ZNF407: variants seen among roughly 807,000 people sequenced by gnomAD.
ZNF407 encodes the protein zinc finger protein 407.
A neutral mutation model predicts 131.2 loss-of-function variants in ZNF407; 17 were observed. The observed-to-expected ratio is 0.13, with a 90% CI of 0.09 to 0.19. ZNF407 has a LOEUF of 0.19. Among genes scored for constraint, ZNF407 ranks in the 10% least tolerant of loss-of-function variants. The pLI is 1.00. For missense variants in ZNF407, 2,681 were observed against 2,830.6 expected (o/e 0.95, Z 1.20); for synonymous variants, 1,156 against 1,062.0 (o/e 1.09, Z -1.72).
At chr18:74,923,264 T>C (rs1340540242) in intron 8 of ZNF407, among the ~76,000 whole-genome samples, 1 of 151,936 alleles carries the variant, frequency 6.6e-6, no homozygotes, top group Non-Finnish European at 1.5e-5. Flanking sequence ...TTTGTAAACG[T>C]AATATTCCAT....
intron 8 of ZNF407, among the ~76,000 whole-genome samples, chr18:74,988,068 G>C (rs4891213): frequency 0.21 from 31,194 of 152,108 alleles, 3,656 homozygotes; most frequent in Middle Eastern, 0.3. Context: ...ATACAATAAT[G>C]AAGACATATG....
intron 3 of ZNF407, among the ~76,000 whole-genome samples, chr18:74,661,348 A>G (rs1046740930): frequency 6.7e-6 from 1 of 150,104 alleles, no homozygotes; most frequent in Non-Finnish European, 1.5e-5. Flanking sequence ...TGACTTTAAG[A>G]AGAAAGGCCA....
chr18:74,827,701 C>T (rs1200234767), intron 4 of ZNF407, among the ~76,000 whole-genome samples: 2 of 152,162 alleles, frequency 1.3e-5, no homozygotes, highest in Admixed American at 6.5e-5. Context: ...ACATCAGATG[C>T]TAAGAAATCC....
chr18:74,755,773 C>CTTTCTTTCTTTCTTTCTT lies in ZNF407; in HGVS notation c.4803-25654_4803-25653insTTCTTTCTTTCTTTCTTT, dbSNP rs769763395. On this transcript the variant is annotated intron_variant, in intron 3 of 8. Transcript: ENST00000299687. ...TCTTTCTTTCTTTCTTTCTTTCTTT[C>CTTTCTTTCTTTCTTTCTT]TCTCTCTCTCTTTCCTTCCTTCTTT... Among the ~76,000 whole-genome samples, 1,008 of 113,198 alleles carry CTTTCTTTCTTTCTTTCTT rather than the reference C, an allele frequency of 8.9e-3. 7 individuals are homozygous for CTTTCTTTCTTTCTTTCTT. The highest frequency in any genetic ancestry group is 0.018 in the African/African-American group (418 of 23,088). 74.3% of individuals were successfully genotyped at this position (113,198 alleles called of 152,430 possible). A position where few individuals can be genotyped will look rare whatever the true frequency, so the allele number is the denominator to read the frequency against.
At chr18:74,601,337 G>C (rs1264796316) in intron 1 of ZNF407, among the ~76,000 whole-genome samples, 3 of 146,970 alleles carry the variant, frequency 2.0e-5, no homozygotes, top group African/African-American at 5.3e-5. Context: ...GTCTGTGTGT[G>C]TGTGTGTGTG....
chr18:74,676,600 G>C (rs550872460), intron 3 of ZNF407, among the ~76,000 whole-genome samples: 3,531 of 136,270 alleles, frequency 0.026, 71 homozygotes, highest in African/African-American at 0.052. Flanking sequence ...CCGTGCCCGG[G>C]TAATTTTGTA....
At chr18:74,977,150 G>A (rs1337311573) in intron 8 of ZNF407, among the ~76,000 whole-genome samples, 1 of 152,226 alleles carries the variant, frequency 6.6e-6, no homozygotes, top group Non-Finnish European at 1.5e-5. Context: ...TTTGCTGATG[G>A]TCTGGATAAT....
At chr18:74,889,859 A>G (rs1219342941) in intron 6 of ZNF407, 59 bp from the exon 7 acceptor site, 3 of 1,427,038 alleles carry the variant, frequency 2.1e-6, no homozygotes, top group Non-Finnish European at 2.9e-6. Flanking sequence ...TACCAGGTTT[A>G]TTCCTTCATT....
rs184740533 is a variant in ZNF407 at position 74,891,492 on chromosome 18, G to A, written c.5249+1454G>A. Among the ~76,000 whole-genome samples, 4 of 152,224 alleles carry A rather than the reference G, an allele frequency of 2.6e-5. No homozygotes were observed. In the East Asian group the frequency reaches 5.8e-4, roughly 22 times the overall value. On this transcript the variant is annotated intron_variant, in intron 7 of 8. Transcript: ENST00000299687. ...AATCTCCATTATCAGCTACATTATT[G>A]CATTAAGTTTTATGTGAAAGGTCAT... is the stretch of plus-strand genomic sequence containing the variant.
chr18:74,604,757 G>T (rs771896499), intron 1 of ZNF407, among the ~76,000 whole-genome samples: 4 of 152,216 alleles, frequency 2.6e-5, no homozygotes, highest in Non-Finnish European at 5.9e-5. Context: ...TGTGCCAGAT[G>T]CCTCTGTACA....
intron 4 of ZNF407, among the ~76,000 whole-genome samples, chr18:74,799,903 CTTTTTT>C (rs35021931): frequency 2.3e-5 from 3 of 131,406 alleles, no homozygotes; most frequent in African/African-American, 8.7e-5. Flanking sequence ...AAAAAAAATC[CTTTTTT>C]TTTTTTTTTT....
intron 3 of ZNF407, among the ~76,000 whole-genome samples, chr18:74,721,230 G>A (rs1443878392): frequency 6.6e-6 from 1 of 152,002 alleles, no homozygotes; most frequent in African/African-American, 2.4e-5. Flanking sequence ...TTTATTCCTA[G>A]GCATTTTATT....
At chr18:74,963,664 C>T (rs12454822) in intron 8 of ZNF407, among the ~76,000 whole-genome samples, 23,254 of 152,118 alleles carry the variant, frequency 0.15, 2,009 homozygotes, top group Admixed American at 0.27. Flanking sequence ...CAAATTATTC[C>T]ACATTTTATT....
At chr18:75,025,670 G>A (rs1973162587) in intron 8 of ZNF407, among the ~76,000 whole-genome samples, 1 of 152,166 alleles carries the variant, frequency 6.6e-6, no homozygotes, top group Admixed American at 6.5e-5. Flanking sequence ...TGAAGAGTTT[G>A]TTTGGTATGG....
At chr18:74,653,051 T>C (rs1985298298) in intron 3 of ZNF407, among the ~76,000 whole-genome samples, 1 of 152,008 alleles carries the variant, frequency 6.6e-6, no homozygotes, top group Admixed American at 6.6e-5. Flanking sequence ...CCACACCCTA[T>C]GTTCTGTATT....
chr18:74,632,672 T>C lies in ZNF407; in HGVS notation c.1653T>C (p.His551=), dbSNP rs1984185473. 1 of 1,614,046 alleles carries C rather than the reference T, an allele frequency of 6.2e-7. No individual in the cohort carries two copies. The highest frequency in any genetic ancestry group is 2.2e-5 in the East Asian group (1 of 44,886). Residue 551 remains histidine, a synonymous_variant, in exon 2 of 9, where the codon CAT becomes CAC. Coordinates refer to ENST00000299687, the MANE Select transcript of ZNF407 (RefSeq NM_017757.3). ...TGGAAATCCATGTGAAAAGGTGCCA[T>C]GCCAGAGAGATGAAATTTTACTGCC... The part of the protein sequence containing the change: ...TDLEIHVKRC[H]AREMKFYCRT...
chr18:74,955,777 C>T (rs1972268148), intron 8 of ZNF407, among the ~76,000 whole-genome samples: 1 of 152,202 alleles, frequency 6.6e-6, no homozygotes, highest in South Asian at 2.1e-4. Flanking sequence ...ATTCTCGACA[C>T]ATCTTCCGAT....
rs193228058 is a variant in ZNF407 at position 75,043,159 on chromosome 18, G to A, written c.5429-19991G>A. Among the ~76,000 whole-genome samples the A allele has an allele frequency of 1.3e-4, 20 of 152,270 alleles. No homozygotes were observed. In the South Asian group the frequency reaches 2.7e-3, roughly 21 times the overall value. Reference sequence around the variant, plus strand: ...AGTTCATGAGAGCTCCAGGTGCTCCGCGTCCTCACCAGCACTTGGCATGAT... The same window carrying A: ...AGTTCATGAGAGCTCCAGGTGCTCCACGTCCTCACCAGCACTTGGCATGAT... On this transcript the variant is annotated intron_variant, in intron 8 of 8. Coordinates refer to ENST00000299687, the MANE Select transcript of ZNF407 (RefSeq NM_017757.3).
At chr18:74,983,843 G>T (rs1042384633) in intron 8 of ZNF407, among the ~76,000 whole-genome samples, 2 of 152,196 alleles carry the variant, frequency 1.3e-5, no homozygotes, top group African/African-American at 4.8e-5. Context: ...ACCCGTCATG[G>T]CTCCTGGTGG....
Sources: allele counts gnomAD v4.1 joint callset (sites outside exome capture counted in the v4.1 genomes callset), GRCh38; gene constraint gnomAD v4.1.1; transcripts MANE v1.5; gene names NCBI Gene and HGNC (gene_info 2026-07-23, HGNC 2026-07-21).